Variants in NKIRAS1 observed in about 807,000 individuals in gnomAD.
The protein encoded by NKIRAS1 is NF-kappa-B inhibitor-interacting Ras-like protein 1.
Under a neutral mutation model 19.8 loss-of-function variants are expected in NKIRAS1, and 16 were observed. The observed-to-expected ratio is 0.81, with a 90% CI of 0.55 to 1.23. NKIRAS1 has a LOEUF of 1.23. Among genes scored for constraint, NKIRAS1 ranks in the 50% most tolerant of loss-of-function variants. The probability of loss-of-function intolerance (pLI) is 0.00; values close to 1 mark genes in which losing one functional copy is unlikely to be tolerated. For synonymous variants in NKIRAS1, 88 were observed against 79.0 expected, an observed-to-expected ratio of 1.11 and a Z score of -0.61; for missense variants, 184 against 220.0, an observed-to-expected ratio of 0.84 and a Z score of 1.04.
chr3:23,932,030 A>G (rs924612527), intron 1 of NKIRAS1, among the ~76,000 whole-genome samples: 4 of 152,224 alleles, frequency 2.6e-5, no homozygotes, highest in Non-Finnish European at 5.9e-5. Flanking sequence ...CCCCAAAACC[A>G]ACTGACTACA....
intron 1 of NKIRAS1, among the ~76,000 whole-genome samples, chr3:23,931,716 GAGA>G (rs1173563551): frequency 1.7e-3 from 35 of 20,894 alleles, no homozygotes; most frequent in Non-Finnish European, 3.9e-3. Context: ...AGGAAGGAGA[GAGA>G]GAGAGAGAGA....
At chr3:23,918,594 G>C, upstream of NKIRAS1, 4 of 1,611,762 alleles carry the variant, frequency 2.5e-6, no homozygotes, top group Middle Eastern at 1.7e-4. Context: ...GTTTTGAGTA[G>C]CAGTTATATT....
intron 3 of NKIRAS1, among the ~76,000 whole-genome samples, chr3:23,902,646 C>T (rs1181292727): frequency 6.6e-6 from 1 of 152,126 alleles, no homozygotes; most frequent in Non-Finnish European, 1.5e-5. Context: ...AAGTTTAGAC[C>T]TTTTGATATT....
rs1229527266 is a variant in NKIRAS1 at position 23,892,753 on chromosome 3, C to T, written c.*342G>A. On this transcript the variant is annotated 3_prime_UTR_variant, in exon 5 of 5. Coordinates refer to ENST00000425478, the MANE Select transcript of NKIRAS1 (RefSeq NM_020345.4). ...TACACAGAATGATTATGATATCTTC[C>T]GAAACAGCTTGGGGTTGGGGGGAAG... 6.0e-6 allele frequency: 1 copy of T among 165,684 alleles called. No homozygotes were observed. Among genetic ancestry groups the T allele is most frequent in the Non-Finnish European group, 1.3e-5 (1 of 77,118 alleles). The allele number at this position is 165,684 out of a possible 1,614,324, so 10.3% of individuals were successfully genotyped here. A position where few individuals can be genotyped will look rare whatever the true frequency, so the allele number is the denominator to read the frequency against.
intron 2 of NKIRAS1, 98 bp from the exon 3 acceptor site, chr3:23,911,019 G>C: frequency 1.1e-6 from 1 of 888,792 alleles, no homozygotes; most frequent in East Asian, 2.6e-5. Context: ...CACATGCACA[G>C]GGGAAATTTT....
intron 1 of NKIRAS1, among the ~76,000 whole-genome samples, chr3:23,912,893 C>T (rs543491028): frequency 2.0e-5 from 3 of 151,832 alleles, no homozygotes; most frequent in South Asian, 2.1e-4. Flanking sequence ...CCAAGGTGGG[C>T]GGATCACGAG....
chr3:23,916,715 C>CAGCGT (rs3084706), intron 1 of NKIRAS1, 69 bp downstream of exon 1: 2 of 146,806 alleles, frequency 1.4e-5, no homozygotes, highest in Admixed American at 6.9e-5. Flanking sequence ...CAGAGAGGGA[C>CAGCGT]AGCGCAGCGC....
chr3:23,930,186 T>C (rs1300030840), intron 1 of NKIRAS1, among the ~76,000 whole-genome samples: 1 of 152,156 alleles, frequency 6.6e-6, no homozygotes, highest in African/African-American at 2.4e-5. Flanking sequence ...AGCTGCTTCA[T>C]CCTGGGGGGT....
chr3:23,940,864 A>C (rs1223152547), intron 1 of NKIRAS1, among the ~76,000 whole-genome samples: 2 of 152,358 alleles, frequency 1.3e-5, no homozygotes, highest in East Asian at 1.9e-4. Flanking sequence ...GATGAACGGC[A>C]ACTGCAATTT....
intron 1 of NKIRAS1, among the ~76,000 whole-genome samples, chr3:23,934,735 G>T (rs965267460): frequency 6.6e-6 from 1 of 151,958 alleles, no homozygotes; most frequent in African/African-American, 2.4e-5. Context: ...TAACCACAAT[G>T]GTGATTATTC....
upstream of NKIRAS1, chr3:23,921,798 C>T (rs1705096847): frequency 1.7e-6 from 1 of 571,706 alleles, no homozygotes; most frequent in African/African-American, 1.9e-5. Context: ...TGGTCTCGAA[C>T]TCCTGACCTC....
At chr3:23,923,768 C>A (rs954816769) in intron 1 of NKIRAS1, 9 of 152,270 alleles carry the variant, frequency 5.9e-5, no homozygotes, top group African/African-American at 2.2e-4. Context: ...AAAAGTTGAA[C>A]CAATTTTCAC....
rs537903002 is a variant in NKIRAS1 at position 23,904,833 on chromosome 3, T to G, written c.95-3784A>C. ...TTTATCACATAATAGCCAGGATACA[T>G]GTACAATAATGTTCCAGAGTAGCAT... On this transcript the variant is annotated intron_variant, in intron 3 of 4. Coordinates refer to ENST00000425478, the MANE Select transcript of NKIRAS1 (RefSeq NM_020345.4). Among the ~76,000 whole-genome samples, 233 of 152,318 alleles carry G rather than the reference T, an allele frequency of 1.5e-3. 1 individual carries two copies. The highest frequency in any genetic ancestry group is 5.2e-3 in the African/African-American group (217 of 41,574).
At position 23,891,440 on chromosome 3, in the gene NKIRAS1, T is replaced by C. The variant is rs911540077; in HGVS notation, c.*1655A>G. The C allele has an allele frequency of 6.6e-6, 1 of 152,236 alleles. No individual in the cohort carries two copies. Among genetic ancestry groups the C allele is most frequent in the African/African-American group, 2.4e-5 (1 of 41,470 alleles). 9.4% of individuals were successfully genotyped at this position (152,236 alleles called of 1,614,324 possible). A position where few individuals can be genotyped will look rare whatever the true frequency, so the allele number is the denominator to read the frequency against. The stretch of plus-strand genomic sequence containing the variant: ...GCATATTTAGTAGGTATTAGTTAGT[T>C]ACCTATATTAGGATCTGTACTTTAC... On this transcript the variant is annotated 3_prime_UTR_variant, in exon 5 of 5. Transcript: ENST00000425478.
intron 3 of NKIRAS1, among the ~76,000 whole-genome samples, chr3:23,902,548 T>C (rs558756152): frequency 4.6e-5 from 7 of 152,302 alleles, no homozygotes; most frequent in South Asian, 4.1e-4. Flanking sequence ...AAGCAAAAAC[T>C]ACCAAGCATT....
rs112565545 is a variant in NKIRAS1 at position 23,909,433 on chromosome 3, A to G, written c.94+1378T>C. Among the ~76,000 whole-genome samples the G allele has an allele frequency of 7.4e-3, 1,131 of 152,324 alleles. 11 individuals carry two copies. The highest frequency in any genetic ancestry group is 0.025 in the African/African-American group (1,035 of 41,574). ...TCCCAGTTACTCAGGAGGCTGAGAA[A>G]GGAGAATTGGCTGAACCTGGGAGGC... On this transcript the variant is annotated intron_variant, in intron 3 of 4. Coordinates refer to ENST00000425478, the MANE Select transcript of NKIRAS1 (RefSeq NM_020345.4).
chr3:23,919,129 A>G, upstream of NKIRAS1: 1 of 1,104,836 alleles, frequency 9.1e-7, no homozygotes, highest in Non-Finnish European at 1.4e-6. Context: ...TGAGAATTAA[A>G]ATTCTTTCTG....
chr3:23,913,363 A>G (rs971625835), intron 1 of NKIRAS1, among the ~76,000 whole-genome samples: 3 of 152,202 alleles, frequency 2.0e-5, no homozygotes, highest in Admixed American at 2.0e-4. Flanking sequence ...AATATTTTAC[A>G]CTATCAAAAA....
intron 3 of NKIRAS1, among the ~76,000 whole-genome samples, chr3:23,907,397 T>C (rs1703180939): frequency 6.6e-6 from 1 of 152,162 alleles, no homozygotes; most frequent in Non-Finnish European, 1.5e-5. Context: ...GGGGCGGTGT[T>C]GGCACCCCTA....
Sources: allele counts gnomAD v4.1 joint callset (sites outside exome capture counted in the v4.1 genomes callset), GRCh38; gene constraint gnomAD v4.1.1; transcripts MANE v1.5; gene names NCBI Gene and HGNC (gene_info 2026-07-23, HGNC 2026-07-21).